Variants in TAFA1 observed in about 807,000 individuals in gnomAD.
TAFA1 encodes TAFA chemokine like family member 1, also known as chemokine-like protein TAFA-1.
TAFA1 carries 4 observed loss-of-function variants against 18.5 expected under a neutral mutation model. The observed-to-expected ratio is 0.22, with a 90% CI of 0.11 to 0.49. The LOEUF (loss-of-function observed/expected upper bound fraction) is 0.49, where lower values mean the gene tolerates loss of function less well. Among genes scored for constraint, TAFA1 ranks in the 20% least tolerant of loss-of-function variants. The pLI is 0.98. For missense variants in TAFA1, 147 were observed against 169.0 expected (o/e 0.87, Z 0.72); for synonymous variants, 56 against 55.2 (o/e 1.01, Z -0.06).
At chr3:68,299,368 G>C (rs1194284211) in intron 2 of TAFA1, among the ~76,000 whole-genome samples, 1 of 152,202 alleles carries the variant, frequency 6.6e-6, no homozygotes, top group Admixed American at 6.5e-5. Flanking sequence ...ATGACTTAAG[G>C]TATCTAGCAG....
intron 2 of TAFA1, among the ~76,000 whole-genome samples, chr3:68,123,878 C>CA (rs758966848): frequency 1.8e-4 from 13 of 72,144 alleles, no homozygotes; most frequent in East Asian, 6.5e-4. Context: ...CTTTTTTTTC[C>CA]AAAAAAAAAA....
rs565952444 is a variant in TAFA1, at chr3:68,029,111, G to C, written c.118+22367G>C. ...TTTAAGGCCACCTAGATAATCAAGG[G>C]TAAGCTCCTTCTCTCAAGATTCTCT... On this transcript the variant is annotated intron_variant, in intron 2 of 4. Transcript: ENST00000478136. 1.6e-3 allele frequency among the ~76,000 whole-genome samples: 250 copies of C among 152,130 alleles called. 1 individual carries two copies. Among genetic ancestry groups the C allele is most frequent in the African/African-American group, 5.9e-3 (244 of 41,504 alleles).
chr3:68,057,914 A>T (rs535117734), intron 2 of TAFA1, among the ~76,000 whole-genome samples: 5 of 152,332 alleles, frequency 3.3e-5, no homozygotes, highest in Non-Finnish European at 5.9e-5. Context: ...TAGAACCTTC[A>T]GAAGGAGTGC....
chr3:68,493,752 A>G (rs1355137418), intron 3 of TAFA1, among the ~76,000 whole-genome samples: 1 of 152,256 alleles, frequency 6.6e-6, no homozygotes, highest in African/African-American at 2.4e-5. Flanking sequence ...TAGACAATGA[A>G]TGATCAGAAA....
chr3:68,409,302 T>C (rs1383610343), intron 2 of TAFA1, among the ~76,000 whole-genome samples: 3 of 152,194 alleles, frequency 2.0e-5, no homozygotes, highest in African/African-American at 4.8e-5. Flanking sequence ...AAACCACTGA[T>C]AGATATGGTT....
At chr3:68,168,210 CT>C (rs1296635025) in intron 2 of TAFA1, among the ~76,000 whole-genome samples, 1 of 149,868 alleles carries the variant, frequency 6.7e-6, no homozygotes, top group African/African-American at 2.4e-5. Context: ...ACCACTATCT[CT>C]TGTGTTGGGT....
At chr3:68,302,792 C>A (rs892278214) in intron 2 of TAFA1, among the ~76,000 whole-genome samples, 3 of 152,200 alleles carry the variant, frequency 2.0e-5, no homozygotes, top group African/African-American at 7.2e-5. Flanking sequence ...CTATACAAAC[C>A]AGCAAGGAAA....
intron 2 of TAFA1, among the ~76,000 whole-genome samples, chr3:68,196,470 G>A (rs1434630201): frequency 1.3e-5 from 2 of 151,650 alleles, no homozygotes; most frequent in East Asian, 3.9e-4. Flanking sequence ...GCTTTCCAAT[G>A]TGCACTCAGC....
intron 2 of TAFA1, among the ~76,000 whole-genome samples, chr3:68,073,258 G>C (rs1191864800): frequency 2.0e-5 from 3 of 152,148 alleles, no homozygotes; most frequent in Non-Finnish European, 4.4e-5. Context: ...CTGAACGTTA[G>C]AGTTAGAGGC....
chr3:68,269,027 T>G (rs2067606442), intron 2 of TAFA1, among the ~76,000 whole-genome samples: 1 of 152,162 alleles, frequency 6.6e-6, no homozygotes, highest in African/African-American at 2.4e-5. Flanking sequence ...TTTCCTTCCC[T>G]TCTTTCTCAT....
chr3:68,195,150 T>C (rs2066395471), intron 2 of TAFA1, among the ~76,000 whole-genome samples: 1 of 151,460 alleles, frequency 6.6e-6, no homozygotes, highest in Non-Finnish European at 1.5e-5. Context: ...AAATGTTCTT[T>C]CAAGCCTTAC....
At chr3:68,101,214 G>A (rs2065143735) in intron 2 of TAFA1, among the ~76,000 whole-genome samples, 2 of 151,964 alleles carry the variant, frequency 1.3e-5, no homozygotes, top group South Asian at 2.1e-4. Context: ...AATAGGAGAG[G>A]TCAGGCCCTC....
chr3:68,254,765 G>C (rs1475349603), intron 2 of TAFA1, among the ~76,000 whole-genome samples: 1 of 152,074 alleles, frequency 6.6e-6, no homozygotes, highest in Admixed American at 6.6e-5. Flanking sequence ...GGATGTTCAT[G>C]TCTGACTTTA....
At chr3:68,299,284 G>A (rs754291407) in intron 2 of TAFA1, among the ~76,000 whole-genome samples, 8 of 152,174 alleles carry the variant, frequency 5.3e-5, no homozygotes, top group Non-Finnish European at 1.0e-4. Flanking sequence ...AACAGCCCTA[G>A]CTATGCTTTA....
At chr3:68,388,475 A>T (rs1036989489) in intron 2 of TAFA1, among the ~76,000 whole-genome samples, 3 of 151,496 alleles carry the variant, frequency 2.0e-5, no homozygotes, top group Non-Finnish European at 4.4e-5. Flanking sequence ...ATATTTTTGC[A>T]TTTTTTCTCT....
At chr3:68,020,209 G>A (rs758089971) in intron 2 of TAFA1, among the ~76,000 whole-genome samples, 3 of 152,148 alleles carry the variant, frequency 2.0e-5, no homozygotes, top group Admixed American at 1.3e-4. Context: ...TGGAAATTGG[G>A]CAAAGAGTTG....
chr3:68,232,655 G>T (rs753348522), intron 2 of TAFA1, among the ~76,000 whole-genome samples: 1 of 152,004 alleles, frequency 6.6e-6, no homozygotes, highest in Non-Finnish European at 1.5e-5. Flanking sequence ...ACCCGGGCTG[G>T]AGTACATTGA....
chr3:68,085,957 G>A (rs73834820), intron 2 of TAFA1, among the ~76,000 whole-genome samples: 4,266 of 152,282 alleles, frequency 0.028, 79 homozygotes, highest in East Asian at 0.1. Flanking sequence ...TATTGCAGAA[G>A]ATGAACACTC....
chr3:68,382,849 T>C (rs1156983337), intron 2 of TAFA1, among the ~76,000 whole-genome samples: 1 of 152,188 alleles, frequency 6.6e-6, no homozygotes, highest in Non-Finnish European at 1.5e-5. Context: ...GTATGGAATG[T>C]TTTCCATTTG....
Sources: allele counts gnomAD v4.1 joint callset (sites outside exome capture counted in the v4.1 genomes callset), GRCh38; gene constraint gnomAD v4.1.1; transcripts MANE v1.5; gene names NCBI Gene and HGNC (gene_info 2026-07-23, HGNC 2026-07-21).